SLC6A15: variants seen among roughly 807,000 people sequenced by gnomAD.
SLC6A15 encodes sodium-dependent neutral amino acid transporter B(0)AT2.
Under a neutral mutation model 68.5 loss-of-function variants are expected in SLC6A15, and 33 were observed. That is an observed-to-expected ratio of 0.48 (90% CI 0.37 to 0.64). The LOEUF (loss-of-function observed/expected upper bound fraction) is 0.64. Among genes scored for constraint, SLC6A15 ranks in the 30% least tolerant of loss-of-function variants. The probability of loss-of-function intolerance (pLI) is 0.00; values close to 1 mark genes in which losing one functional copy is unlikely to be tolerated. For synonymous variants in SLC6A15, 347 were observed against 301.0 expected (o/e 1.15, Z -1.58); for missense variants, 747 against 874.3 (o/e 0.85, Z 1.84).
chr12:84,881,354 C>A (rs1871812183), intron 5 of SLC6A15: 1 of 618,254 alleles, frequency 1.6e-6, no homozygotes. Flanking sequence ...TCCATAATAC[C>A]CACTATTTGA....
intron 5 of SLC6A15, among the ~76,000 whole-genome samples, chr12:84,879,700 G>A (rs1871731777): frequency 6.6e-6 from 1 of 151,796 alleles, no homozygotes; most frequent in South Asian, 2.1e-4. Context: ...GTTGCAATAT[G>A]GTTGTACAAT....
At chr12:84,893,185 G>A (rs1444003882) in intron 1 of SLC6A15, among the ~76,000 whole-genome samples, 1 of 152,100 alleles carries the variant, frequency 6.6e-6, no homozygotes, top group Non-Finnish European at 1.5e-5. Context: ...TTAATAGAGA[G>A]AAAGGTACAT....
chr12:84,888,111 C>T (rs942703739), intron 2 of SLC6A15, among the ~76,000 whole-genome samples: 4 of 145,336 alleles, frequency 2.8e-5, no homozygotes, highest in Admixed American at 2.7e-4. Flanking sequence ...AAAAAAAAAA[C>T]AGCTGAGCGT....
intron 5 of SLC6A15, chr12:84,881,161 T>C (rs1214230013): frequency 6.5e-6 from 1 of 154,454 alleles, no homozygotes; most frequent in Non-Finnish European, 1.4e-5. Context: ...CTCATTTCTG[T>C]CCTACATATT....
intron 11 of SLC6A15, among the ~76,000 whole-genome samples, chr12:84,862,639 G>T (rs1346643318): frequency 6.6e-6 from 1 of 152,054 alleles, no homozygotes; most frequent in Non-Finnish European, 1.5e-5. Context: ...TTATTATTCA[G>T]CTTGAGAATA....
chr12:84,898,526 T>C (rs1872724767), intron 1 of SLC6A15, among the ~76,000 whole-genome samples: 1 of 152,174 alleles, frequency 6.6e-6, no homozygotes, highest in Non-Finnish European at 1.5e-5. Flanking sequence ...AAAGAGACTA[T>C]CTGAGTTCAA....
At chr12:84,910,953 G>GTGTGTGTGTGTGTGTGTGTGTCTT (rs1565736544) in intron 1 of SLC6A15, among the ~76,000 whole-genome samples, 42 of 145,060 alleles carry the variant, frequency 2.9e-4, no homozygotes, top group African/African-American at 1.1e-3. Context: ...GTGTGTGTGT[G>GTGTGTGTGTGTGTGTGTGTGTCTT]TCTTTAACCC....
chr12:84,866,304 T>G (rs932787016), intron 10 of SLC6A15, among the ~76,000 whole-genome samples: 2 of 152,162 alleles, frequency 1.3e-5, no homozygotes, highest in Non-Finnish European at 2.9e-5. Flanking sequence ...ACTCTGGTGC[T>G]TCACATCATT....
intron 5 of SLC6A15, among the ~76,000 whole-genome samples, chr12:84,879,319 C>T (rs1036858391): frequency 5.4e-5 from 7 of 129,616 alleles, no homozygotes; most frequent in Non-Finnish European, 9.6e-5. Context: ...TGACTCTACA[C>T]TATCACACAC....
intron 5 of SLC6A15, among the ~76,000 whole-genome samples, chr12:84,878,966 G>A (rs888299973): frequency 4.0e-5 from 6 of 151,848 alleles, no homozygotes; most frequent in Non-Finnish European, 5.9e-5. Context: ...TTGCCAGAGC[G>A]ATCTTTCTAG....
intron 5 of SLC6A15, among the ~76,000 whole-genome samples, chr12:84,879,042 GC>G (rs1179406317): frequency 6.6e-6 from 1 of 151,836 alleles, no homozygotes; most frequent in Non-Finnish European, 1.5e-5. Flanking sequence ...CTAGCTAACA[GC>G]CCATCATTTT....
At chr12:84,893,122 T>C (rs895140002) in intron 1 of SLC6A15, among the ~76,000 whole-genome samples, 2 of 152,216 alleles carry the variant, frequency 1.3e-5, no homozygotes, top group African/African-American at 4.8e-5. Context: ...TGAGGCTTTA[T>C]GGGATACAAT....
intron 1 of SLC6A15, among the ~76,000 whole-genome samples, chr12:84,894,644 C>T (rs1201636971): frequency 6.6e-6 from 1 of 151,938 alleles, no homozygotes; most frequent in African/African-American, 2.4e-5. Flanking sequence ...ATTCTTTGGA[C>T]AAAAAATACA....
At chr12:84,886,094 A>T (rs1365529451) in intron 2 of SLC6A15, 26 bp from the exon 3 acceptor site, 1 of 1,497,832 alleles carries the variant, frequency 6.7e-7, no homozygotes, top group Non-Finnish European at 9.2e-7. Flanking sequence ...CAAAAAATAG[A>T]TTATATTTTC....
At chr12:84,894,057 G>C (rs926257261) in intron 1 of SLC6A15, among the ~76,000 whole-genome samples, 1 of 152,054 alleles carries the variant, frequency 6.6e-6, no homozygotes, top group African/African-American at 2.4e-5. Context: ...GGCCAACAAA[G>C]TTTTGATATG....
intron 1 of SLC6A15, among the ~76,000 whole-genome samples, chr12:84,893,639 G>C (rs534276541): frequency 6.6e-6 from 1 of 152,188 alleles, no homozygotes; most frequent in South Asian, 2.1e-4. Context: ...TTTATTAAGA[G>C]AACTGCTATT....
rs748020544 is a variant in SLC6A15 at position 84,861,605 on chromosome 12, A to G, written c.*27T>C. 5.1e-6 allele frequency: 8 copies of G among 1,565,518 alleles called. No individual in the cohort carries two copies. The highest frequency in any genetic ancestry group is 4.3e-6 in the Non-Finnish European group (5 of 1,153,460). ...AATGTTCATTGGTAAAAATGAACCA[A>G]ATAAAACCCACTGACTTTTCCCCCA... On this transcript the variant is annotated 3_prime_UTR_variant, in exon 12 of 12. Coordinates refer to ENST00000266682, the MANE Select transcript of SLC6A15 (RefSeq NM_182767.6).
intron 2 of SLC6A15, among the ~76,000 whole-genome samples, chr12:84,888,022 T>G (rs574705633): frequency 6.6e-6 from 1 of 151,604 alleles, no homozygotes; most frequent in East Asian, 1.9e-4. Context: ...GTTCAGGAGT[T>G]CGAGACCAGC....
At chr12:84,871,256 TAAA>T (rs1235251432) in intron 8 of SLC6A15, among the ~76,000 whole-genome samples, 33 of 151,434 alleles carry the variant, frequency 2.2e-4, no homozygotes, top group Admixed American at 1.9e-3. Flanking sequence ...ATTTTTAATT[TAAA>T]AAACCTACAT....
Sources: gnomAD v4.1 joint callset for allele counts (sites outside exome capture counted in the v4.1 genomes callset) on GRCh38, gnomAD v4.1.1 for gene constraint, MANE v1.5 for transcripts, NCBI Gene and HGNC (gene_info 2026-07-23, HGNC 2026-07-21) for gene names.